LPA: variants seen among roughly 807,000 people sequenced by gnomAD.
LPA encodes the protein apolipoprotein(a).
LPA carries 199 observed loss-of-function variants against 197.9 expected under a neutral mutation model. The ratio of observed to expected loss-of-function variants is 1.01; its 90% CI spans 0.90 to 1.13. The LOEUF (loss-of-function observed/expected upper bound fraction) is 1.13. Ranked by LOEUF, LPA falls within the 50% of genes most tolerant of loss-of-function variation. LPA has a pLI of 0.00. For missense variants in LPA, 1,853 were observed against 1,785.8 expected, an observed-to-expected ratio of 1.04 and a Z score of -0.68; for synonymous variants, 715 against 639.5, an observed-to-expected ratio of 1.12 and a Z score of -1.78.
intron 24 of LPA, 104 bp downstream of exon 24, chr6:160,589,449 G>T: frequency 1.5e-6 from 2 of 1,343,902 alleles, no homozygotes; most frequent in Non-Finnish European, 2.1e-6. Context: ...AACATTCTGG[G>T]TCTGAGAGAA....
intron 28 of LPA, among the ~76,000 whole-genome samples, chr6:160,568,104 A>T (rs1219119701): frequency 6.6e-6 from 1 of 152,178 alleles, no homozygotes; most frequent in Non-Finnish European, 1.5e-5. Context: ...TATTCCAATC[A>T]TAGAAAAAGA....
At chr6:160,556,855 C>T (rs989908612) in intron 29 of LPA, among the ~76,000 whole-genome samples, 1 of 152,108 alleles carries the variant, frequency 6.6e-6, no homozygotes, top group Non-Finnish European at 1.5e-5. Context: ...AAATTCCTGC[C>T]TTCCAAGCAT....
intron 18 of LPA, among the ~76,000 whole-genome samples, chr6:160,602,235 C>A (rs1391142027): frequency 6.6e-6 from 1 of 152,126 alleles, no homozygotes; most frequent in Non-Finnish European, 1.5e-5. Context: ...TCTTCCTTGG[C>A]TTCCCTCTTT....
rs1429676098 is a variant in LPA at position 160,611,506 on chromosome 6, G to A, written c.2603+56C>T. On this transcript the variant is annotated intron_variant, in intron 16 of 38. Transcript: ENST00000316300. Reference sequence around the variant, plus strand: ...GAACTCAGCTTGAAGCATGTCTCTTGTCACAGAAACTTCAGTTGGCCCTTT... The same window carrying A: ...GAACTCAGCTTGAAGCATGTCTCTTATCACAGAAACTTCAGTTGGCCCTTT... 8.8e-6 allele frequency: 14 copies of A among 1,599,908 alleles called. 1 individual carries two copies. The East Asian group carries it at 1.8e-4, about 20-fold the overall frequency.
intron 28 of LPA, among the ~76,000 whole-genome samples, chr6:160,566,075 G>A (rs1228293786): frequency 1.3e-5 from 2 of 152,160 alleles, no homozygotes; most frequent in African/African-American, 4.8e-5. Flanking sequence ...TGAAAGTGAC[G>A]AGGAGAATGG....
Position 160,574,797 on chromosome 6 carries a change from C to T in LPA, c.4631+2339G>A, listed in dbSNP as rs571206678. On this transcript the variant is annotated intron_variant, in intron 28 of 38. Coordinates refer to ENST00000316300, the MANE Select transcript of LPA (RefSeq NM_005577.4). ...GCAGGAGCAGTCTGCTTCCTTCACACGGTCTGTGGGTCCTCTCAGGATTGC... is the reference window on the plus strand; with the variant it reads ...GCAGGAGCAGTCTGCTTCCTTCACATGGTCTGTGGGTCCTCTCAGGATTGC... Among the ~76,000 whole-genome samples, 13 of 152,238 alleles carry T rather than the reference C, an allele frequency of 8.5e-5. 1 individual carries two copies. The South Asian group carries it at 1.2e-3, about 15-fold the overall frequency.
chr6:160,585,025 TGGC>T lies in LPA; in HGVS notation c.4289+18_4289+20del. On this transcript the variant is annotated intron_variant, in intron 26 of 38. Coordinates refer to ENST00000316300, the MANE Select transcript of LPA (RefSeq NM_005577.4). ...TTTTAGTTGACTATTGTTCCTTTTA[TGGC>T]TAACATGATAGACATACGCATTTGG... is the stretch of plus-strand genomic sequence containing the variant. 6.2e-7 allele frequency: 1 copy of T among 1,613,214 alleles called. No homozygotes were observed. Among genetic ancestry groups the T allele is most frequent in the Non-Finnish European group, 8.5e-7 (1 of 1,179,420 alleles).
intron 16 of LPA, 146 bp downstream of exon 16, chr6:160,611,416 C>T (rs1460660451): frequency 8.8e-6 from 13 of 1,484,718 alleles, no homozygotes; most frequent in African/African-American, 2.8e-5. Context: ...AGACCCTTAG[C>T]TCCAAGGAAA....
intron 22 of LPA, among the ~76,000 whole-genome samples, chr6:160,593,350 G>C (rs751096204): frequency 3.9e-5 from 6 of 152,264 alleles, no homozygotes; most frequent in African/African-American, 1.4e-4. Context: ...TGGCAGAAAC[G>C]CTGACGTGGT....
intron 26 of LPA, among the ~76,000 whole-genome samples, chr6:160,583,026 C>A (rs1319350261): frequency 6.6e-6 from 1 of 151,920 alleles, no homozygotes; most frequent in Non-Finnish European, 1.5e-5. Context: ...TCTTGACTCT[C>A]CATTTGGTCC....
In LPA at chr6:160,654,024, T is replaced by A. The variant is rs1562354815; in HGVS notation, c.50-3527A>T. Among the ~76,000 whole-genome samples the A allele has an allele frequency of 1.1e-3, 11 of 9,840 alleles. 2 individuals are homozygous for A. In the East Asian group the frequency reaches 0.025, roughly 22 times the overall value. The allele number at this position is 9,840 out of a possible 152,430, so 6.5% of individuals were successfully genotyped here. On this transcript the variant is annotated intron_variant, in intron 1 of 38. Transcript: ENST00000316300. The stretch of plus-strand genomic sequence containing the variant: ...TATATAATATATATTATATATAATA[T>A]ATAATATATATTATATATAATATAT...
chr6:160,553,954 T>TGCGCGC (rs1554231703), intron 30 of LPA, among the ~76,000 whole-genome samples: 37 of 130,746 alleles, frequency 2.8e-4, no homozygotes, highest in African/African-American at 7.9e-4. Context: ...TGTGTGTGTG[T>TGCGCGC]GCGCGCGCGC....
chr6:160,642,835 AT>A (rs1422819837), intron 4 of LPA, among the ~76,000 whole-genome samples: 6 of 33,170 alleles, frequency 1.8e-4, no homozygotes, highest in African/African-American at 4.6e-4. Flanking sequence ...CGATTCTGTG[AT>A]TTTTTTTAAT....
intron 16 of LPA, among the ~76,000 whole-genome samples, chr6:160,607,164 C>T (rs1292698114): frequency 2.6e-5 from 4 of 152,100 alleles, no homozygotes; most frequent in Non-Finnish European, 5.9e-5. Flanking sequence ...TCCAGGTCAA[C>T]CTTCACTCTC....
intron 21 of LPA, 140 bp downstream of exon 21, chr6:160,595,214 G>T: frequency 9.5e-7 from 1 of 1,056,162 alleles, no homozygotes; most frequent in Admixed American, 1.8e-5. Context: ...GGCGCTGAGT[G>T]TTCCTTCCCA....
At chr6:160,650,569 A>G (rs1779986835) in intron 1 of LPA, 72 bp from the exon 2 acceptor site, 12 of 1,471,478 alleles carry the variant, frequency 8.2e-6, no homozygotes, top group Non-Finnish European at 1.1e-5. Flanking sequence ...CATTTATGAC[A>G]CAAACAGGAA....
At chr6:160,581,605 G>A (rs1778803272) in intron 26 of LPA, among the ~76,000 whole-genome samples, 1 of 152,136 alleles carries the variant, frequency 6.6e-6, no homozygotes, top group Admixed American at 6.6e-5. Context: ...AATACCACAT[G>A]TCTTGATTAC....
chr6:160,547,662 G>T, intron 32 of LPA, 127 bp downstream of exon 32: 1 of 1,302,672 alleles, frequency 7.7e-7, no homozygotes, highest in Admixed American at 1.8e-5. Flanking sequence ...TGTGCTGCTT[G>T]CACTTTCCAT....
rs1220890877 is a variant in LPA at position 160,595,386 on chromosome 6, G to T, written c.3437C>A (p.Pro1146Gln). The T allele has an allele frequency of 6.2e-7, 1 of 1,613,274 alleles. No homozygotes were observed. The highest frequency in any genetic ancestry group is 1.1e-5 in the South Asian group (1 of 91,076). ...AGAAGAAGCCTCTGTGCTTGGATCT[G>T]GGACCACCGTGAGAGTTGCAAGGAC... ...SSVLATLTVV[P>Q]DPSTEASSEE... The change falls in exon 21 of 39, where the codon CCA becomes CAA. Residue 1146 changes from proline (P) to glutamine (Q), a missense_variant. This residue lies in a region of LPA where 1,737 missense variants were observed against 1,504.4 expected (regional missense o/e 1.15). Coordinates refer to ENST00000316300, the MANE Select transcript of LPA (RefSeq NM_005577.4).
Sources: allele counts gnomAD v4.1 joint callset (sites outside exome capture counted in the v4.1 genomes callset), GRCh38; gene constraint gnomAD v4.1.1; regional missense constraint gnomAD v4.1.1; transcripts MANE v1.5; gene names NCBI Gene and HGNC (gene_info 2026-07-23, HGNC 2026-07-21).